Variants in LRP1B observed in about 807,000 individuals in gnomAD.
LRP1B encodes the protein low-density lipoprotein receptor-related protein 1B.
A neutral mutation model predicts 556.6 loss-of-function variants in LRP1B; 217 were observed. The ratio of observed to expected loss-of-function variants is 0.39; its 90% CI spans 0.35 to 0.44. LRP1B has a LOEUF of 0.44. Among genes scored for constraint, LRP1B ranks in the 20% least tolerant of loss-of-function variants. LRP1B has a pLI of 1.00. For synonymous variants in LRP1B, 2,047 were observed against 1,865.8 expected, an observed-to-expected ratio of 1.10 and a Z score of -2.50; for missense variants, 5,053 against 5,620.8, an observed-to-expected ratio of 0.90 and a Z score of 3.23.
At position 140,516,999 on chromosome 2, in the gene LRP1B, T is replaced by C. The variant is rs779047842; in HGVS notation, c.8039A>G (p.His2680Arg). ...ACTAAAATAATTTTCTTCACATTTG[T>C]GTTTGTTTTGAACTGTGATAAAATA... ...DELKCPVQNKHKCEENYFSCP... is the reference protein window; with the variant it reads ...DELKCPVQNKRKCEENYFSCP... Residue 2680 changes from histidine (H) to arginine (R), a missense_variant, in exon 50 of 91, where the codon CAC becomes CGC. Transcript: ENST00000389484. 4.5e-5 allele frequency: 72 copies of C among 1,589,432 alleles called. No individual in the cohort carries two copies. Among genetic ancestry groups the C allele is most frequent in the Admixed American group, 2.2e-4 (13 of 59,870 alleles).
chr2:140,306,112 C>A (rs1482036870), intron 83 of LRP1B, among the ~76,000 whole-genome samples: 2 of 135,482 alleles, frequency 1.5e-5, no homozygotes, highest in Non-Finnish European at 3.4e-5. Context: ...GTCTAACATT[C>A]TCTTTTTTTG....
intron 42 of LRP1B, among the ~76,000 whole-genome samples, chr2:140,600,958 A>C (rs1239059436): frequency 6.6e-6 from 1 of 151,610 alleles, no homozygotes; most frequent in Admixed American, 6.6e-5. Flanking sequence ...TAGACTACTT[A>C]GACTATTATC....
At chr2:140,566,424 T>C (rs1341622998) in intron 43 of LRP1B, among the ~76,000 whole-genome samples, 1 of 152,154 alleles carries the variant, frequency 6.6e-6, no homozygotes, top group African/African-American at 2.4e-5. Context: ...AAACAGTACC[T>C]GGCCAGAGTT....
rs1693009657 is a variant in LRP1B, at chr2:140,868,095, A to G, written c.4334+4T>C. The G allele has an allele frequency of 1.3e-6, 2 of 1,573,372 alleles. No homozygotes were observed. Among genetic ancestry groups the G allele is most frequent in the African/African-American group, 2.8e-5 (2 of 72,024 alleles). ...AAATACAGAAAAGAGATGATTTTTTAAACCTGGCGTCTGTCCACACTATCC... is the reference window on the plus strand; with the variant it reads ...AAATACAGAAAAGAGATGATTTTTTGAACCTGGCGTCTGTCCACACTATCC... On this transcript the variant is annotated splice_donor_region_variant and intron_variant, in intron 26 of 90. Transcript: ENST00000389484.
chr2:141,536,543 G>A (rs1268465310), intron 2 of LRP1B, among the ~76,000 whole-genome samples: 3 of 151,974 alleles, frequency 2.0e-5, no homozygotes, highest in Non-Finnish European at 4.4e-5. Context: ...AGACAATGGA[G>A]GTTATCAATA....
intron 23 of LRP1B, among the ~76,000 whole-genome samples, chr2:140,893,535 A>G (rs2105206102): frequency 6.6e-6 from 1 of 152,302 alleles, no homozygotes. Context: ...CCCTGAGCAA[A>G]TCAAGTAACC....
At chr2:140,736,691 A>G (rs1460029743) in intron 35 of LRP1B, among the ~76,000 whole-genome samples, 1 of 152,102 alleles carries the variant, frequency 6.6e-6, no homozygotes, top group African/African-American at 2.4e-5. Flanking sequence ...AAAGCCTTAT[A>G]CAAAAATTAA....
chr2:141,183,740 T>C (rs564166170), intron 7 of LRP1B, among the ~76,000 whole-genome samples: 19 of 152,092 alleles, frequency 1.2e-4, no homozygotes, highest in Admixed American at 3.3e-4. Flanking sequence ...TAGGAGATCT[T>C]CCCCCTCCCT....
At position 140,680,586 on chromosome 2, in the gene LRP1B, T is replaced by C. The variant is rs1342436943; in HGVS notation, c.6799+19664A>G. ...ATAGCATTGTCATTCTTTTCATTAA[T>C]CCTCATTAATTGATGCTATTTTCCA... On this transcript the variant is annotated intron_variant, in intron 41 of 90. Transcript: ENST00000389484. Among the ~76,000 whole-genome samples the C allele has an allele frequency of 4.6e-5, 7 of 152,252 alleles. No homozygotes were observed. In the South Asian group the frequency reaches 1.0e-3, roughly 22 times the overall value.
intron 2 of LRP1B, among the ~76,000 whole-genome samples, chr2:141,763,126 G>A (rs1694616389): frequency 6.6e-6 from 1 of 152,110 alleles, no homozygotes; most frequent in Non-Finnish European, 1.5e-5. Context: ...GGAGAAAATT[G>A]CCTTTCTGGA....
At chr2:140,746,706 G>A (rs967004659) in intron 35 of LRP1B, among the ~76,000 whole-genome samples, 7 of 152,070 alleles carry the variant, frequency 4.6e-5, no homozygotes, top group Non-Finnish European at 8.8e-5. Flanking sequence ...ATGCATATGA[G>A]GGGGTTGTGC....
At chr2:141,834,237 C>G (rs1445090754) in intron 1 of LRP1B, among the ~76,000 whole-genome samples, 2 of 151,794 alleles carry the variant, frequency 1.3e-5, no homozygotes, top group African/African-American at 4.8e-5. Flanking sequence ...TTTAAAGAAG[C>G]AGCATCTGGC....
At chr2:140,849,200 C>CAAAAAAAAAAAAAAAAAAAAAAAA (rs70988447) in intron 29 of LRP1B, among the ~76,000 whole-genome samples, 2 of 100,552 alleles carry the variant, frequency 2.0e-5, no homozygotes, top group Non-Finnish European at 3.8e-5. Context: ...ACTAAAAATA[C>CAAAAAAAAAAAAAAAAAAAAAAAA]AAAAAAAAAA....
intron 3 of LRP1B, among the ~76,000 whole-genome samples, chr2:141,357,273 C>A (rs896204460): frequency 3.9e-5 from 6 of 152,072 alleles, no homozygotes; most frequent in African/African-American, 1.2e-4. Context: ...CCAGGGTGGT[C>A]TGGATCTCCT....
At chr2:141,079,827 G>A (rs1278003367) in intron 7 of LRP1B, among the ~76,000 whole-genome samples, 5 of 152,106 alleles carry the variant, frequency 3.3e-5, no homozygotes, top group African/African-American at 4.8e-5. Flanking sequence ...AAGTAATTGT[G>A]GTTTTGCCAT....
At chr2:140,587,946 A>C (rs540800108) in intron 43 of LRP1B, among the ~76,000 whole-genome samples, 2 of 152,306 alleles carry the variant, frequency 1.3e-5, no homozygotes, top group South Asian at 4.1e-4. Flanking sequence ...TATTTCTCAA[A>C]TATGAAATGA....
At chr2:141,915,206 C>T (rs759226782) in intron 1 of LRP1B, among the ~76,000 whole-genome samples, 1 of 152,132 alleles carries the variant, frequency 6.6e-6, no homozygotes, top group Non-Finnish European at 1.5e-5. Flanking sequence ...GCACCTATAG[C>T]CATCTGATTT....
At chr2:140,688,354 A>G (rs977092667) in intron 41 of LRP1B, among the ~76,000 whole-genome samples, 4 of 152,094 alleles carry the variant, frequency 2.6e-5, no homozygotes, top group Non-Finnish European at 4.4e-5. Context: ...ATCCTTTCCC[A>G]TCTCATTTTA....
At chr2:140,235,007 G>A (rs1459097199) in intron 89 of LRP1B, 123 bp from the exon 90 acceptor site, 3 of 499,284 alleles carry the variant, frequency 6.0e-6, no homozygotes, top group African/African-American at 3.9e-5. Context: ...ACCATTTACA[G>A]TGTGTTCATG....
Sources: gnomAD v4.1 joint callset for allele counts (sites outside exome capture counted in the v4.1 genomes callset) on GRCh38, gnomAD v4.1.1 for gene constraint, MANE v1.5 for transcripts, NCBI Gene and HGNC (gene_info 2026-07-23, HGNC 2026-07-21) for gene names.